PDSS2: variants seen among roughly 807,000 people sequenced by gnomAD.
PDSS2 encodes decaprenyl diphosphate synthase subunit 2.
PDSS2 carries 31 observed loss-of-function variants against 44.5 expected under a neutral mutation model. The ratio of observed to expected loss-of-function variants is 0.70; its 90% confidence interval spans 0.52 to 0.94. The LOEUF (loss-of-function observed/expected upper bound fraction) is 0.94. Among genes scored for constraint, PDSS2 ranks in the 40% least tolerant of loss-of-function variants. PDSS2 has a pLI of 0.00. For missense variants in PDSS2, 452 were observed against 482.2 expected (o/e 0.94, Z 0.59); for synonymous variants, 157 against 180.3 (o/e 0.87, Z 1.03).
chr6:107,269,138 T>C (rs1775506697), intron 3 of PDSS2, among the ~76,000 whole-genome samples: 1 of 152,036 alleles, frequency 6.6e-6, no homozygotes, highest in Non-Finnish European at 1.5e-5. Flanking sequence ...GTCAGGCTGG[T>C]CTCGAACTCC....
intron 1 of PDSS2, among the ~76,000 whole-genome samples, chr6:107,420,462 A>G (rs1780789089): frequency 6.6e-6 from 1 of 152,234 alleles, no homozygotes; most frequent in Non-Finnish European, 1.5e-5. Context: ...AAGACAGTAT[A>G]GTATTGGCAG....
chr6:107,458,329 C>T (rs1782114903), intron 1 of PDSS2, among the ~76,000 whole-genome samples: 1 of 144,574 alleles, frequency 6.9e-6, no homozygotes, highest in South Asian at 2.2e-4. Context: ...ACTAAAAATA[C>T]AAAAACAAAA....
At chr6:107,338,115 C>T (rs1226285685) in intron 1 of PDSS2, among the ~76,000 whole-genome samples, 1 of 152,116 alleles carries the variant, frequency 6.6e-6, no homozygotes, top group Non-Finnish European at 1.5e-5. Context: ...TGGATAATGC[C>T]TACAGCTCAA....
intron 2 of PDSS2, among the ~76,000 whole-genome samples, chr6:107,313,938 G>A (rs925851099): frequency 3.9e-5 from 6 of 151,968 alleles, no homozygotes; most frequent in Non-Finnish European, 1.5e-5. Context: ...ATTCCTGGAG[G>A]ACAGGCGTTC....
intron 4 of PDSS2, among the ~76,000 whole-genome samples, chr6:107,224,928 G>T (rs1235796093): frequency 2.0e-5 from 3 of 150,098 alleles, no homozygotes; most frequent in African/African-American, 5.0e-5. Flanking sequence ...TCGTGAGGTT[G>T]CAGTCATGCT....
At chr6:107,389,746 G>A (rs1024628576) in intron 1 of PDSS2, among the ~76,000 whole-genome samples, 3 of 152,126 alleles carry the variant, frequency 2.0e-5, no homozygotes, top group Non-Finnish European at 4.4e-5. Flanking sequence ...CCTAGGAATA[G>A]GAATGTCCAG....
At chr6:107,344,124 T>C (rs1489682588) in intron 1 of PDSS2, among the ~76,000 whole-genome samples, 1 of 152,220 alleles carries the variant, frequency 6.6e-6, no homozygotes, top group African/African-American at 2.4e-5. Flanking sequence ...GTCCTACTAC[T>C]TCACTTTTAA....
At chr6:107,206,262 G>A (rs1371523981) in intron 6 of PDSS2, among the ~76,000 whole-genome samples, 3 of 152,166 alleles carry the variant, frequency 2.0e-5, no homozygotes, top group East Asian at 3.9e-4. Flanking sequence ...AGTACAGACC[G>A]GGTTTCACCA....
rs1357620100 is a variant in PDSS2, at chr6:107,286,137, A to AAAATAAAAT, written c.432-11911_432-11910insATTTTATTT. Among the ~76,000 whole-genome samples, 36 of 15,522 alleles carry AAAATAAAAT rather than the reference A, an allele frequency of 2.3e-3. 1 individual carries two copies. The highest frequency in any genetic ancestry group is 7.1e-3 in the African/African-American group (36 of 5,080). The allele number at this position is 15,522 out of a possible 152,430, so 10.2% of individuals were successfully genotyped here. A position where few individuals can be genotyped will look rare whatever the true frequency, so the allele number is the denominator to read the frequency against. ...AAGGAGCAAAACTTCGTCGCAAAAT[A>AAAATAAAAT]AAAAAAAAAAAAAGGAAAGAAAAGA... On this transcript the variant is annotated intron_variant, in intron 2 of 7. Transcript: ENST00000369037.
At chr6:107,168,460 C>G (rs1771435719) in intron 7 of PDSS2, among the ~76,000 whole-genome samples, 1 of 151,872 alleles carries the variant, frequency 6.6e-6, no homozygotes, top group East Asian at 1.9e-4. Context: ...TTAATTGGAG[C>G]ATTTAGCCCA....
At chr6:107,221,901 C>T (rs1214987742) in intron 4 of PDSS2, among the ~76,000 whole-genome samples, 1 of 152,166 alleles carries the variant, frequency 6.6e-6, no homozygotes, top group Non-Finnish European at 1.5e-5. Flanking sequence ...AAACTGCTAC[C>T]TTTCACATAA....
rs1562379254 is a variant in PDSS2, at chr6:107,212,284, T to A, written c.703-2A>T. ...AATATCATCTGTGATATAACTTTCC[T>A]AAAAATGTAACAAAAGCCAAGATAA... On this transcript the variant is annotated splice_acceptor_variant, in intron 4 of 7. Transcript: ENST00000369037. LOFTEE classifies it high-confidence loss of function. 1 of 1,607,730 alleles carries A rather than the reference T, an allele frequency of 6.2e-7. No homozygotes were observed. The highest frequency in any genetic ancestry group is 8.5e-7 in the Non-Finnish European group (1 of 1,176,086).
intron 1 of PDSS2, among the ~76,000 whole-genome samples, chr6:107,453,216 T>C (rs942054526): frequency 6.6e-6 from 1 of 151,816 alleles, no homozygotes; most frequent in South Asian, 2.1e-4. Context: ...CCACCCACCT[T>C]AGCCTCCCAA....
chr6:107,214,534 C>A (rs1164427154), intron 4 of PDSS2, among the ~76,000 whole-genome samples: 1 of 152,170 alleles, frequency 6.6e-6, no homozygotes, highest in Non-Finnish European at 1.5e-5. Flanking sequence ...AAACCATGTT[C>A]ATTTTATGGC....
intron 5 of PDSS2, 30 bp from the exon 6 acceptor site, chr6:107,210,600 G>A (rs1358313361): frequency 6.9e-7 from 1 of 1,443,208 alleles, no homozygotes; most frequent in Non-Finnish European, 9.7e-7. Flanking sequence ...GAGTAAATTA[G>A]TGAAATGTAT....
At chr6:107,250,210 C>T (rs2114826617) in intron 3 of PDSS2, among the ~76,000 whole-genome samples, 1 of 150,156 alleles carries the variant, frequency 6.7e-6, no homozygotes, top group African/African-American at 2.5e-5. Context: ...CCTCGCATTG[C>T]TATCCAAAGA....
intron 7 of PDSS2, chr6:107,192,574 C>T (rs1013699132): frequency 7.2e-6 from 2 of 276,494 alleles, no homozygotes; most frequent in Non-Finnish European, 1.4e-5. Context: ...ACCAAAGTAT[C>T]CCTGTCAACC....
chr6:107,185,066 A>G (rs1299220826), intron 7 of PDSS2, among the ~76,000 whole-genome samples: 1 of 143,630 alleles, frequency 7.0e-6, no homozygotes, highest in Non-Finnish European at 1.5e-5. Context: ...TGAGCCCAGG[A>G]GTTCGAGGCT....
intron 3 of PDSS2, among the ~76,000 whole-genome samples, chr6:107,256,812 G>A (rs1469722446): frequency 6.6e-6 from 1 of 151,932 alleles, no homozygotes; most frequent in African/African-American, 2.4e-5. Context: ...AGAAGCCTCT[G>A]AGCCCAAGAG....
Sources: gnomAD v4.1 joint callset for allele counts (sites outside exome capture counted in the v4.1 genomes callset) on GRCh38, gnomAD v4.1.1 for gene constraint, MANE v1.5 for transcripts, NCBI Gene and HGNC (gene_info 2026-07-23, HGNC 2026-07-21) for gene names.